The following STON2 variants were observed in gnomAD, a reference collection of about 807,000 sequenced individuals.
The protein encoded by STON2 is stonin 2.
STON2 carries 29 observed loss-of-function variants against 65.7 expected under a neutral mutation model. That is an observed-to-expected ratio of 0.44 (90% CI 0.33 to 0.60). STON2 has a LOEUF of 0.60. Among genes scored for constraint, STON2 ranks in the 20% least tolerant of loss-of-function variants. The pLI, the probability that STON2 is intolerant of heterozygous loss-of-function variation, is 0.03. For synonymous variants in STON2, 404 were observed against 414.2 expected (o/e 0.98, Z 0.30); for missense variants, 1,054 against 1,118.1 (o/e 0.94, Z 0.82).
At chr14:81,351,357 A>G (rs1898017670) in intron 4 of STON2, among the ~76,000 whole-genome samples, 1 of 152,102 alleles carries the variant, frequency 6.6e-6, no homozygotes, top group Non-Finnish European at 1.5e-5. Flanking sequence ...TGGAGGACTG[A>G]AGAGTTTGGT....
In STON2 at chr14:81,266,560, T is replaced by C. The variant is rs1894364821; in HGVS notation, c.*1854A>G. On this transcript the variant is annotated 3_prime_UTR_variant, in exon 8 of 8. Coordinates refer to ENST00000614646, the MANE Select transcript of STON2 (RefSeq NM_001394390.1). Reference sequence around the variant, plus strand: ...CCTGGTCACCTCCCTATGGACACAATCAACTTATTAATGTCTCTCTTAAAA... The same window carrying C: ...CCTGGTCACCTCCCTATGGACACAACCAACTTATTAATGTCTCTCTTAAAA... 1 of 616,460 alleles carries C rather than the reference T, an allele frequency of 1.6e-6. No homozygotes were observed. The highest frequency in any genetic ancestry group is 7.1e-5 in the South Asian group (1 of 13,996). 38.2% of individuals were successfully genotyped at this position (616,460 alleles called of 1,614,324 possible).
chr14:81,429,865 G>A (rs1025086657), intron 1 of STON2, among the ~76,000 whole-genome samples: 5 of 152,070 alleles, frequency 3.3e-5, no homozygotes, highest in Admixed American at 2.0e-4. Flanking sequence ...AACCCGGGAG[G>A]CGGAGGTTGC....
At chr14:81,286,966 C>T (rs1360239410) in intron 5 of STON2, among the ~76,000 whole-genome samples, 1 of 152,146 alleles carries the variant, frequency 6.6e-6, no homozygotes, top group Admixed American at 6.5e-5. Flanking sequence ...TTTCCCATTA[C>T]CTTTTGAGAT....
chr14:81,342,245 C>T (rs555499373), intron 4 of STON2, among the ~76,000 whole-genome samples: 19 of 151,984 alleles, frequency 1.3e-4, no homozygotes, highest in African/African-American at 4.3e-4. Flanking sequence ...AGTGATTCTC[C>T]TGCCTTAGCC....
chr14:81,307,531 A>G (rs1051991504), intron 5 of STON2, among the ~76,000 whole-genome samples: 17 of 152,230 alleles, frequency 1.1e-4, no homozygotes, highest in African/African-American at 4.1e-4. Context: ...TTTGAATAGA[A>G]AAGCCTAGTT....
chr14:81,426,861 T>A (rs1382763062), intron 2 of STON2, among the ~76,000 whole-genome samples: 4 of 152,228 alleles, frequency 2.6e-5, no homozygotes, highest in African/African-American at 9.6e-5. Context: ...ACTGAGGTAG[T>A]CACGTAAGCT....
intron 4 of STON2, among the ~76,000 whole-genome samples, chr14:81,344,918 G>C (rs1311762757): frequency 1.3e-5 from 2 of 152,198 alleles, no homozygotes; most frequent in Non-Finnish European, 2.9e-5. Context: ...AAGCCAATGA[G>C]AGCAGTGGGA....
intron 5 of STON2, among the ~76,000 whole-genome samples, chr14:81,318,742 T>G (rs1896714534): frequency 6.6e-6 from 1 of 152,174 alleles, no homozygotes; most frequent in Admixed American, 6.5e-5. Flanking sequence ...TCCCGGCTAC[T>G]CCGGGGTCTG....
chr14:81,357,888 T>G, intron 4 of STON2, among the ~76,000 whole-genome samples: 1 of 94,356 alleles, frequency 1.1e-5, no homozygotes, highest in African/African-American at 4.3e-5. Context: ...GGAACTGTTG[T>G]GGGGTGGGGG....
chr14:81,384,599 C>T (rs933125690), intron 3 of STON2, among the ~76,000 whole-genome samples: 3 of 152,218 alleles, frequency 2.0e-5, no homozygotes, highest in Non-Finnish European at 2.9e-5. Context: ...CCTGTCCCCC[C>T]GCAGAATGTG....
At chr14:81,381,563 T>C (rs1395910109) in intron 3 of STON2, among the ~76,000 whole-genome samples, 1 of 150,166 alleles carries the variant, frequency 6.7e-6, no homozygotes, top group Non-Finnish European at 1.5e-5. Flanking sequence ...TCAACCTTGT[T>C]AGTAATCTAG....
Position 81,277,992 on chromosome 14 carries a change from A to T in STON2, c.1490T>A (p.Ile497Asn), listed in dbSNP as rs1390186519. ...CGGTCCCCAGTGCCTGGAGGACATG[A>T]TGTTTTTCTTCTCAGGGATCCTCAA... ...MMLRIPEKKN[I>N]MSSRHWGPIF... Residue 497 changes from isoleucine (I) to asparagine (N), a missense_variant, in exon 6 of 8, where the codon ATC (isoleucine) becomes AAC (asparagine). By Grantham distance (149) the Ile-to-Asn change is moderately radical. Coordinates refer to ENST00000614646, the MANE Select transcript of STON2 (RefSeq NM_001394390.1). 1 of 1,614,136 alleles carries T rather than the reference A, an allele frequency of 6.2e-7. No individual in the cohort carries two copies. The highest frequency in any genetic ancestry group is 1.7e-5 in the Admixed American group (1 of 60,016).
chr14:81,269,646 T>C lies in STON2; in HGVS notation c.2784+1024A>G, dbSNP rs546419582. On this transcript the variant is annotated intron_variant, in intron 7 of 7. Coordinates refer to ENST00000614646, the MANE Select transcript of STON2 (RefSeq NM_001394390.1). ...TGTTCCTTTTGGTAGTTAAATATTT[T>C]AGCCCACACAGCTAAGGAAACATTT... 2.4e-5 allele frequency: 24 copies of C among 985,350 alleles called. No individual in the cohort carries two copies. The South Asian group carries it at 9.4e-4, about 39-fold the overall frequency. The allele number at this position is 985,350 out of a possible 1,614,324, so 61.0% of individuals were successfully genotyped here. A position where few individuals can be genotyped will look rare whatever the true frequency, so the allele number is the denominator to read the frequency against.
At chr14:81,419,094 T>C (rs183548593) in intron 2 of STON2, among the ~76,000 whole-genome samples, 2 of 152,146 alleles carry the variant, frequency 1.3e-5, no homozygotes, top group East Asian at 3.8e-4. Context: ...TATACTAGGA[T>C]TAACACTCTT....
chr14:81,270,119 G>C, intron 7 of STON2: 1 of 840,774 alleles, frequency 1.2e-6, no homozygotes, highest in Non-Finnish European at 1.4e-6. Context: ...ACACAGTCTC[G>C]CTCTGTCACT....
chr14:81,353,071 TAGAG>T (rs1241421981), intron 4 of STON2, among the ~76,000 whole-genome samples: 4 of 152,174 alleles, frequency 2.6e-5, no homozygotes, highest in Non-Finnish European at 4.4e-5. Context: ...TATGTAAACT[TAGAG>T]AGCATTCTTC....
intron 3 of STON2, among the ~76,000 whole-genome samples, chr14:81,382,934 G>A (rs139214666): frequency 1.5e-4 from 23 of 152,120 alleles, no homozygotes; most frequent in African/African-American, 4.8e-4. Flanking sequence ...TTTATTTTTC[G>A]GCTTAGAAAT....
At chr14:81,314,042 G>A (rs1158114263) in intron 5 of STON2, among the ~76,000 whole-genome samples, 1 of 152,204 alleles carries the variant, frequency 6.6e-6, no homozygotes, top group Non-Finnish European at 1.5e-5. Context: ...GCCTTCCAGT[G>A]CCTTGCAAAT....
intron 2 of STON2, among the ~76,000 whole-genome samples, chr14:81,415,668 CAAAAA>C (rs35270491): frequency 3.9e-5 from 3 of 77,298 alleles, no homozygotes; most frequent in South Asian, 9.6e-4. Flanking sequence ...GACTCCATCG[CAAAAA>C]AAAAAAAAAA....
Sources: gnomAD v4.1 joint callset for allele counts (sites outside exome capture counted in the v4.1 genomes callset) on GRCh38, gnomAD v4.1.1 for gene constraint, MANE v1.5 for transcripts, NCBI Gene and HGNC (gene_info 2026-07-23, HGNC 2026-07-21) for gene names.